The following GHR variants were observed in gnomAD, a reference collection of about 807,000 sequenced individuals.
GHR encodes the protein growth hormone receptor, also known as GH receptor.
Under a neutral mutation model 67.1 loss-of-function variants are expected in GHR, and 35 were observed. That is an observed-to-expected ratio of 0.52 (90% CI 0.40 to 0.69). The LOEUF is 0.69. Ranked by LOEUF, GHR falls within the 30% of genes least tolerant of loss-of-function variation. The pLI, the probability that GHR is intolerant of heterozygous loss-of-function variation, is 0.00. For missense variants in GHR, 792 were observed against 764.6 expected, an observed-to-expected ratio of 1.04 and a Z score of -0.42; for synonymous variants, 272 against 269.1, an observed-to-expected ratio of 1.01 and a Z score of -0.10.
intron 1 of GHR, among the ~76,000 whole-genome samples, chr5:42,535,897 T>A (rs1008540236): frequency 1.3e-5 from 2 of 152,140 alleles, no homozygotes; most frequent in African/African-American, 4.8e-5. Context: ...TATTCCTAAG[T>A]ATTTTATTTT....
chr5:42,592,053 T>C (rs1271317432), intron 2 of GHR, among the ~76,000 whole-genome samples: 1 of 152,024 alleles, frequency 6.6e-6, no homozygotes, highest in Non-Finnish European at 1.5e-5. Context: ...CAACAGTTTT[T>C]CAGTGTTTCA....
At chr5:42,606,073 G>C (rs1422038413) in intron 2 of GHR, among the ~76,000 whole-genome samples, 1 of 152,148 alleles carries the variant, frequency 6.6e-6, no homozygotes, top group Non-Finnish European at 1.5e-5. Context: ...GTCCCCCATA[G>C]CTCCCAGAGC....
chr5:42,633,096 A>AG lies in GHR; in HGVS notation c.136+3993_136+3994insG, dbSNP rs533999904. On this transcript the variant is annotated intron_variant, in intron 3 of 9. Coordinates refer to ENST00000230882, the MANE Select transcript of GHR (RefSeq NM_000163.5). ...AGACTTTCTTAAACACATATAGAGA[A>AG]AAAAATTAGATGATTGCACATCTTT... Among the ~76,000 whole-genome samples, 708 of 152,292 alleles carry AG rather than the reference A, an allele frequency of 4.6e-3. 3 individuals are homozygous for AG. The highest frequency in any genetic ancestry group is 7.8e-3 in the Admixed American group (119 of 15,300).
chr5:42,565,657 C>T (rs992185320), intron 1 of GHR: 15 of 984,952 alleles, frequency 1.5e-5, no homozygotes, highest in South Asian at 9.4e-5. Flanking sequence ...CTAGCACTCA[C>T]GGGAAGTAGA....
rs576157585 is a variant in GHR at position 42,669,437 on chromosome 5, A to T, written c.137-19453A>T. Among the ~76,000 whole-genome samples, 8 of 152,330 alleles carry T rather than the reference A, an allele frequency of 5.3e-5. No homozygotes were observed. The East Asian group carries it at 1.5e-3, about 29-fold the overall frequency. ...TCAGTTGGTTTCTTCTGGCAATAGA[A>T]GGCTCCCCTTAGACTTCATTAGCTT... On this transcript the variant is annotated intron_variant, in intron 3 of 9. Transcript: ENST00000230882.
At chr5:42,632,706 C>T (rs1377711246) in intron 3 of GHR, among the ~76,000 whole-genome samples, 1 of 133,372 alleles carries the variant, frequency 7.5e-6, no homozygotes, top group African/African-American at 3.2e-5. Flanking sequence ...AGTTCACATA[C>T]GTGGTAGCAG....
At chr5:42,504,714 G>A (rs1352590308) in intron 1 of GHR, among the ~76,000 whole-genome samples, 4 of 151,950 alleles carry the variant, frequency 2.6e-5, no homozygotes, top group East Asian at 1.9e-4. Flanking sequence ...AGCCGAGATC[G>A]CACCACTGCA....
At chr5:42,609,230 T>C (rs565616162) in intron 2 of GHR, among the ~76,000 whole-genome samples, 2 of 152,204 alleles carry the variant, frequency 1.3e-5, no homozygotes, top group African/African-American at 4.8e-5. Flanking sequence ...ATATTACTAG[T>C]GCCATCATGG....
At chr5:42,647,297 G>A (rs535213566) in intron 3 of GHR, among the ~76,000 whole-genome samples, 4 of 151,974 alleles carry the variant, frequency 2.6e-5, no homozygotes, top group South Asian at 2.1e-4. Flanking sequence ...AAAATCGGCC[G>A]GGCGTTGTGG....
intron 1 of GHR, among the ~76,000 whole-genome samples, chr5:42,425,596 A>T (rs1742817292): frequency 6.6e-6 from 1 of 152,208 alleles, no homozygotes; most frequent in African/African-American, 2.4e-5. Context: ...AGAAAAGCAA[A>T]GCTCAGTGTT....
chr5:42,647,478 G>A (rs954943882), intron 3 of GHR, among the ~76,000 whole-genome samples: 9 of 151,652 alleles, frequency 5.9e-5, no homozygotes, highest in African/African-American at 1.9e-4. Context: ...GGAGGCTGAG[G>A]CAGGAAAATG....
chr5:42,487,721 A>G (rs1337424398), intron 1 of GHR, among the ~76,000 whole-genome samples: 5 of 152,216 alleles, frequency 3.3e-5, no homozygotes, highest in African/African-American at 1.2e-4. Context: ...CTTCTGATAT[A>G]GGAAGATCCT....
intron 2 of GHR, among the ~76,000 whole-genome samples, chr5:42,610,659 C>A (rs1175156875): frequency 6.7e-6 from 1 of 148,878 alleles, no homozygotes; most frequent in East Asian, 2.0e-4. Context: ...CAGGTCTAAT[C>A]CCAGTGGAAA....
At chr5:42,583,897 A>ATATATATATAT in intron 2 of GHR, among the ~76,000 whole-genome samples, 1 of 149,448 alleles carries the variant, frequency 6.7e-6, no homozygotes, top group East Asian at 2.0e-4. Flanking sequence ...ATATATATAT[A>ATATATATATAT]AATTCTTACA....
intron 7 of GHR, among the ~76,000 whole-genome samples, chr5:42,712,075 A>G (rs999856248): frequency 6.6e-6 from 1 of 152,176 alleles, no homozygotes; most frequent in Non-Finnish European, 1.5e-5. Flanking sequence ...ATAGAGTATT[A>G]TTATTCTCAA....
intron 1 of GHR, among the ~76,000 whole-genome samples, chr5:42,472,062 C>T (rs1356945010): frequency 6.6e-6 from 1 of 152,182 alleles, no homozygotes; most frequent in East Asian, 1.9e-4. Context: ...AGAACATTCA[C>T]TTAGGCTGGG....
At position 42,719,964 on chromosome 5, in the gene GHR, G is replaced by T; in HGVS notation, c.*540G>T. Reference sequence around the variant, plus strand: ...TTTATTTTGACATAAAGTTGATAAAGATTTTTTAATAATTTAGACTTCAAG... The same window carrying T: ...TTTATTTTGACATAAAGTTGATAAATATTTTTTAATAATTTAGACTTCAAG... On this transcript the variant is annotated 3_prime_UTR_variant, in exon 10 of 10. Transcript: ENST00000230882. 2.0e-5 allele frequency: 2 copies of T among 97,738 alleles called. No homozygotes were observed. Among genetic ancestry groups the T allele is most frequent in the South Asian group, 2.1e-4 (1 of 4,668 alleles). The allele number at this position is 97,738 out of a possible 1,614,324, so 6.1% of individuals were successfully genotyped here. A position where few individuals can be genotyped will look rare whatever the true frequency, so the allele number is the denominator to read the frequency against.
intron 2 of GHR, among the ~76,000 whole-genome samples, chr5:42,623,514 A>G (rs1276710189): frequency 1.3e-5 from 2 of 152,080 alleles, no homozygotes; most frequent in Non-Finnish European, 1.5e-5. Flanking sequence ...TGTCTTCTGC[A>G]CCTTTGTACC....
At chr5:42,429,382 T>C (rs1411205568) in intron 1 of GHR, among the ~76,000 whole-genome samples, 2 of 152,168 alleles carry the variant, frequency 1.3e-5, no homozygotes, top group African/African-American at 4.8e-5. Context: ...CAAGATGAAA[T>C]TGGGGTGGGG....
Sources: allele counts gnomAD v4.1 joint callset (sites outside exome capture counted in the v4.1 genomes callset), GRCh38; gene constraint gnomAD v4.1.1; transcripts MANE v1.5; gene names NCBI Gene and HGNC (gene_info 2026-07-23, HGNC 2026-07-21).